Variants in CPQ observed in about 807,000 individuals in gnomAD.
The protein encoded by CPQ is Ser-Met dipeptidase.
A neutral mutation model predicts 45.7 loss-of-function variants in CPQ; 37 were observed. That is an observed-to-expected ratio of 0.81 (90% CI 0.62 to 1.07). CPQ has a LOEUF of 1.07. Among genes scored for constraint, CPQ ranks in the 50% least tolerant of loss-of-function variants. The pLI is 0.00. For missense variants in CPQ, 537 were observed against 572.9 expected (o/e 0.94, Z 0.64); for synonymous variants, 186 against 205.8 (o/e 0.90, Z 0.82).
At chr8:96,652,344 A>G (rs7813101) in intron 1 of CPQ, among the ~76,000 whole-genome samples, 87,595 of 152,126 alleles carry the variant, frequency 0.58, 27,713 homozygotes, top group Non-Finnish European at 0.71. Flanking sequence ...CATTGTGCAT[A>G]TGTGCCACCT....
At chr8:97,047,247 C>A (rs1810274735) in intron 6 of CPQ, among the ~76,000 whole-genome samples, 2 of 152,170 alleles carry the variant, frequency 1.3e-5, no homozygotes, top group Non-Finnish European at 2.9e-5. Flanking sequence ...AGAATGTACC[C>A]AAGTTTGCAT....
chr8:96,867,032 T>C (rs1409857156), intron 3 of CPQ, among the ~76,000 whole-genome samples: 1 of 152,106 alleles, frequency 6.6e-6, no homozygotes, highest in African/African-American at 2.4e-5. Flanking sequence ...CAACAGTCCC[T>C]AACACTGACT....
At chr8:96,794,025 C>T (rs968131049) in intron 2 of CPQ, among the ~76,000 whole-genome samples, 11 of 152,136 alleles carry the variant, frequency 7.2e-5, no homozygotes, top group African/African-American at 2.4e-4. Context: ...TCCAGGTGCA[C>T]GGTGCAAGCT....
intron 1 of CPQ, among the ~76,000 whole-genome samples, chr8:96,774,592 G>C (rs915452460): frequency 2.0e-5 from 3 of 152,140 alleles, no homozygotes; most frequent in Non-Finnish European, 4.4e-5. Flanking sequence ...TACAGGCAGG[G>C]TTTGGCAAGT....
intron 1 of CPQ, among the ~76,000 whole-genome samples, chr8:96,754,543 C>T (rs1350863270): frequency 3.3e-5 from 5 of 152,102 alleles, no homozygotes; most frequent in South Asian, 2.1e-4. Context: ...TTCTTGAAAA[C>T]GTGAAAGGCC....
intron 2 of CPQ, among the ~76,000 whole-genome samples, chr8:96,815,574 G>T (rs563219840): frequency 6.6e-6 from 1 of 152,122 alleles, no homozygotes; most frequent in Non-Finnish European, 1.5e-5. Flanking sequence ...TGAATTCTCT[G>T]ATCCCAGAAG....
intron 7 of CPQ, among the ~76,000 whole-genome samples, chr8:97,130,192 C>T (rs1297592995): frequency 6.6e-6 from 1 of 152,204 alleles, no homozygotes; most frequent in Admixed American, 6.5e-5. Flanking sequence ...ACGCTTTCCT[C>T]TCCACCTTTT....
intron 1 of CPQ, among the ~76,000 whole-genome samples, chr8:96,678,927 C>A (rs1385728082): frequency 1.3e-5 from 2 of 151,794 alleles, no homozygotes; most frequent in Admixed American, 6.6e-5. Context: ...TTTACTGTGA[C>A]CCCGTTTGTC....
chr8:96,726,944 A>G (rs949264641), intron 1 of CPQ, among the ~76,000 whole-genome samples: 4 of 152,200 alleles, frequency 2.6e-5, no homozygotes, highest in African/African-American at 9.6e-5. Flanking sequence ...TATTTTCTTT[A>G]TAAATTACCC....
chr8:97,110,130 G>T (rs938928390), intron 7 of CPQ, among the ~76,000 whole-genome samples: 3 of 152,086 alleles, frequency 2.0e-5, no homozygotes. Context: ...CTACTTTTCA[G>T]TCAACTGCCA....
rs1248722633 is a variant in CPQ, at chr8:96,670,492, C to G, written c.-35+25090C>G. Among the ~76,000 whole-genome samples the G allele has an allele frequency of 2.6e-5, 4 of 151,812 alleles. No individual in the cohort carries two copies. In the East Asian group the frequency reaches 7.7e-4, roughly 29 times the overall value. ...CATGCAAAGATCAATCAAAGGAAAG[C>G]AGATATATTAATATCAGATAAAGTA... On this transcript the variant is annotated intron_variant, in intron 1 of 7. Coordinates refer to ENST00000220763, the MANE Select transcript of CPQ (RefSeq NM_016134.4).
intron 1 of CPQ, among the ~76,000 whole-genome samples, chr8:96,743,021 C>T (rs1810117642): frequency 6.6e-6 from 1 of 152,106 alleles, no homozygotes; most frequent in African/African-American, 2.4e-5. Context: ...GAATGTTGGC[C>T]TGCCTTGCTA....
At chr8:96,894,509 A>C (rs937025305) in intron 4 of CPQ, among the ~76,000 whole-genome samples, 4 of 152,200 alleles carry the variant, frequency 2.6e-5, no homozygotes, top group African/African-American at 9.6e-5. Flanking sequence ...GAAGTGTGCC[A>C]CAGCAAGGTA....
chr8:96,814,544 T>A (rs1043550327), intron 2 of CPQ, among the ~76,000 whole-genome samples: 2 of 152,168 alleles, frequency 1.3e-5, no homozygotes, highest in African/African-American at 4.8e-5. Flanking sequence ...AAATATACAA[T>A]CTGTATCTGG....
intron 5 of CPQ, among the ~76,000 whole-genome samples, chr8:97,008,294 G>C (rs1346486991): frequency 1.3e-5 from 2 of 152,226 alleles, no homozygotes; most frequent in Non-Finnish European, 2.9e-5. Flanking sequence ...GGAGAGCTGG[G>C]AAGCTGGAAT....
intron 1 of CPQ, among the ~76,000 whole-genome samples, chr8:96,744,360 A>T (rs1400669976): frequency 6.6e-6 from 1 of 152,088 alleles, no homozygotes; most frequent in Non-Finnish European, 1.5e-5. Flanking sequence ...GCACCCACTG[A>T]CCTGTGCCCA....
chr8:96,869,674 A>G (rs1011071973), intron 3 of CPQ, among the ~76,000 whole-genome samples: 3 of 152,030 alleles, frequency 2.0e-5, no homozygotes, highest in East Asian at 3.9e-4. Flanking sequence ...AGCACTCTAG[A>G]CTTACAGCAT....
intron 1 of CPQ, among the ~76,000 whole-genome samples, chr8:96,715,736 A>G (rs1809665196): frequency 3.9e-5 from 6 of 152,190 alleles, no homozygotes; most frequent in Admixed American, 3.9e-4. Context: ...AAGACCTGCC[A>G]TCTGGATTCT....
chr8:96,810,921 A>G (rs1265946080), intron 2 of CPQ, among the ~76,000 whole-genome samples: 1 of 152,220 alleles, frequency 6.6e-6, no homozygotes, highest in African/African-American at 2.4e-5. Context: ...TAGAAATGTT[A>G]AAATGGCAAG....
Sources: gnomAD v4.1 joint callset for allele counts (sites outside exome capture counted in the v4.1 genomes callset) on GRCh38, gnomAD v4.1.1 for gene constraint, MANE v1.5 for transcripts, NCBI Gene and HGNC (gene_info 2026-07-23, HGNC 2026-07-21) for gene names.